C3: variants seen among roughly 807,000 people sequenced by gnomAD.
C3 encodes the protein complement C3, also known as C3 and PZP-like alpha-2-macroglobulin domain-containing protein 1.
A neutral mutation model predicts 207.9 loss-of-function variants in C3; 97 were observed. The ratio of observed to expected loss-of-function variants is 0.47; its 90% CI spans 0.40 to 0.55. The LOEUF (loss-of-function observed/expected upper bound fraction) is 0.55. Among genes scored for constraint, C3 ranks in the 20% least tolerant of loss-of-function variants. The pLI is 0.00. For missense variants in C3, 1,684 were observed against 2,171.7 expected (o/e 0.78, Z 4.46); for synonymous variants, 848 against 857.6 (o/e 0.99, Z 0.20).
In C3 at chr19:6,711,170, C is replaced by G. The variant is rs760150621; in HGVS notation, c.1296G>C (p.Ser432=). ...TGGTCCTGGTAGCCTGCTCTGCCTC[C>G]GAGAGCTCCTGCTTCTTCGTGCGCA... ...ITVRTKKQEL[S]EAEQATRTMQ... Residue 432 remains serine, a synonymous_variant, in exon 12 of 41, where the codon TCG becomes TCC. Transcript: ENST00000245907. 1 of 1,613,670 alleles carries G rather than the reference C, an allele frequency of 6.2e-7. No homozygotes were observed. The highest frequency in any genetic ancestry group is 8.5e-7 in the Non-Finnish European group (1 of 1,179,986).
In C3 at chr19:6,694,515, C is replaced by A; in HGVS notation, c.3070G>T (p.Ala1024Ser). The A allele has an allele frequency of 6.2e-7, 1 of 1,614,140 alleles. No individual in the cohort carries two copies. The highest frequency in any genetic ancestry group is 8.5e-7 in the Non-Finnish European group (1 of 1,179,998). The change falls in exon 24 of 41, where the codon GCT becomes TCT. Residue 1024 changes from alanine to serine, a missense_variant. Transcript: ENST00000245907. ...TCCGTTTCATCCAGGTAATGCACAGCGATGACCGTGGGCGTCATGCCGATC... is the reference window on the plus strand; with the variant it reads ...TCCGTTTCATCCAGGTAATGCACAGAGATGACCGTGGGCGTCATGCCGATC... Reference protein sequence around the residue: ...NMIGMTPTVIAVHYLDETEQW... With the variant: ...NMIGMTPTVISVHYLDETEQW...
chr19:6,694,307 G>A, intron 24 of C3, 124 bp downstream of exon 24: 1 of 807,586 alleles, frequency 1.2e-6, no homozygotes, highest in Non-Finnish European at 2.0e-6. Flanking sequence ...CAAATGAGGG[G>A]AGTGGCTAGG....
chr19:6,713,072 A>G (rs1967952880), intron 9 of C3, 117 bp downstream of exon 9: 2 of 1,275,050 alleles, frequency 1.6e-6, no homozygotes, highest in Middle Eastern at 2.5e-4. Flanking sequence ...ATCAGACTGA[A>G]CCCCACTTTC....
chr19:6,697,297 G>A, intron 21 of C3, 47 bp downstream of exon 21: 1 of 1,392,460 alleles, frequency 7.2e-7, no homozygotes, highest in Non-Finnish European at 1.0e-6. Flanking sequence ...CGAAGACCAG[G>A]AGCCCTCTCT....
Position 6,714,024 on chromosome 19 carries a change from G to A in C3, c.741C>T (p.Asn247=), listed in dbSNP as rs11569571. The change falls in exon 7 of 41, where the codon AAC becomes AAT. Residue 247 remains asparagine (N), a synonymous_variant. Coordinates refer to ENST00000245907, the MANE Select transcript of C3 (RefSeq NM_000064.4). ...TGATGGTGACCTCCAGGCCCTTCTC[G>A]TTATAGATGTAGTAGAATTTCTCTG... The part of the protein sequence containing the change: ...EPTEKFYYIY[N]EKGLEVTITA... The A allele has an allele frequency of 0.014, 22,612 of 1,609,592 alleles. 218 individuals are homozygous for A. The highest frequency in any genetic ancestry group is 0.017 in the Non-Finnish European group (20,354 of 1,178,764).
chr19:6,693,362 G>T, intron 25 of C3, 50 bp downstream of exon 25: 6 of 1,542,500 alleles, frequency 3.9e-6, no homozygotes, highest in Non-Finnish European at 5.3e-6. Flanking sequence ...GCCCTGCTGG[G>T]GGTTGAGGGT....
rs773305601 is a variant in C3 at position 6,710,727 on chromosome 19, G to C, written c.1598C>G (p.Ala533Gly). Residue 533 changes from alanine (A) to glycine (G), a missense_variant, in exon 13 of 41, where the codon GCG becomes GGG. Coordinates refer to ENST00000245907, the MANE Select transcript of C3 (RefSeq NM_000064.4). ...TDFIPSFRLVAYYTLIGASGQ... is the reference protein window; with the variant it reads ...TDFIPSFRLVGYYTLIGASGQ... ...GCTGGCACCGATCAGCGTGTAGTAC[G>C]CCACCAGGCGGAAGGAAGGGATGAA... is the stretch of plus-strand genomic sequence containing the variant. 1 of 1,613,700 alleles carries C rather than the reference G, an allele frequency of 6.2e-7. No individual in the cohort carries two copies. Among genetic ancestry groups the C allele is most frequent in the South Asian group, 1.1e-5 (1 of 91,064 alleles).
intron 4 of C3, chr19:6,717,408 CTG>C (rs56313992): frequency 0.68 from 103,979 of 153,520 alleles, 35,034 homozygotes; most frequent in East Asian, 0.89. Context: ...GTCTCTCAGC[CTG>C]TGTGTGTGTG....
At chr19:6,688,157 G>A (rs142810692) in intron 27 of C3, among the ~76,000 whole-genome samples, 52 of 151,214 alleles carry the variant, frequency 3.4e-4, no homozygotes, top group African/African-American at 1.2e-3. Context: ...TTTTTGAGAC[G>A]GAGTCTCGCT....
At position 6,697,440 on chromosome 19, in the gene C3, G is replaced by C. The variant is rs763155610; in HGVS notation, c.2700C>G (p.Ile900Met). The change falls in exon 21 of 41, where the codon ATC becomes ATG. Residue 900 changes from isoleucine to methionine, a missense_variant. This residue lies in a region of C3 where 1,280 missense variants were observed against 1,739.1 expected (regional missense o/e 0.74). Coordinates refer to ENST00000245907, the MANE Select transcript of C3 (RefSeq NM_000064.4). ...CCTGCAGGCCGGTCTTTAGCGGCAC[G>C]ATGACATATGGAACGGACAACGAGG... is the stretch of plus-strand genomic sequence containing the variant. ...PKSSLSVPYV[I>M]VPLKTGLQEV... 64 of 1,613,798 alleles carry C rather than the reference G, an allele frequency of 4.0e-5. No homozygotes were observed. In the East Asian group the frequency reaches 1.4e-3, roughly 35 times the overall value.
intron 1 of C3, among the ~76,000 whole-genome samples, 165 bp downstream of exon 1, chr19:6,720,351 C>G (rs1968136070): frequency 6.6e-6 from 1 of 152,084 alleles, no homozygotes; most frequent in Non-Finnish European, 1.5e-5. Flanking sequence ...CCACAAACAC[C>G]CAAACTCACA....
intron 27 of C3, among the ~76,000 whole-genome samples, chr19:6,687,614 A>G (rs1918042373): frequency 6.6e-6 from 1 of 152,136 alleles, no homozygotes; most frequent in African/African-American, 2.4e-5. Flanking sequence ...ACTGATTTCA[A>G]CCTACCAATA....
At position 6,697,350 on chromosome 19, in the gene C3, C is replaced by A. The variant is rs1967560165; in HGVS notation, c.2790G>T (p.Lys930Asn). The A allele has an allele frequency of 6.2e-7, 1 of 1,613,874 alleles. No homozygotes were observed. Among genetic ancestry groups the A allele is most frequent in the East Asian group, 2.2e-5 (1 of 44,882 alleles). The change falls in exon 21 of 41, where the codon AAG (lysine) becomes AAT (asparagine). Residue 930 changes from lysine to asparagine, a missense_variant. Physicochemically the swap from Lys to Asn is moderately conservative, Grantham distance 94. Coordinates refer to ENST00000245907, the MANE Select transcript of C3 (RefSeq NM_000064.4). ...GGGTGCCCCAAGCACTCACCACGAC[C>A]TTCAGGGACTTCCTGACACCGTCAC... ...FISDGVRKSL[K>N]VVPEGIRMNK...
intron 26 of C3, among the ~76,000 whole-genome samples, chr19:6,692,540 G>C (rs532122976): frequency 6.6e-6 from 1 of 152,278 alleles, no homozygotes; most frequent in Non-Finnish European, 1.5e-5. Context: ...CGGGGAGAGT[G>C]TTGCTTGGAC....
Position 6,710,795 on chromosome 19 carries a change from G to A in C3, c.1530C>T (p.Pro510=), listed in dbSNP as rs1030717997. The change falls in exon 13 of 41, where the codon CCC becomes CCT. Residue 510 remains proline (P), a synonymous_variant. Transcript: ENST00000245907. ...LLKAGRQVRE[P]GQDLVVLPLS... is the part of the protein sequence containing the mutation. ...GGGGCAGCACCACCAGGTCCTGGCCGGGCTCTCGCACCTGGCGTCCCGCCT... is the reference window on the plus strand; with the variant it reads ...GGGGCAGCACCACCAGGTCCTGGCCAGGCTCTCGCACCTGGCGTCCCGCCT... The A allele has an allele frequency of 5.0e-6, 8 of 1,613,844 alleles. 1 individual carries two copies. Among genetic ancestry groups the A allele is most frequent in the African/African-American group, 1.3e-5 (1 of 74,956 alleles).
chr19:6,720,431 T>C (rs1352343579), intron 1 of C3, 85 bp downstream of exon 1: 5 of 984,070 alleles, frequency 5.1e-6, no homozygotes, highest in Non-Finnish European at 7.9e-6. Context: ...AAATGCACCC[T>C]GAATTCTACA....
chr19:6,680,926 TG>T (rs1917842567), intron 35 of C3, among the ~76,000 whole-genome samples: 1 of 151,460 alleles, frequency 6.6e-6, no homozygotes, highest in Non-Finnish European at 1.5e-5. Flanking sequence ...GTGGCAGGTG[TG>T]GTGGCTCATG....
In C3 at chr19:6,710,612, G is replaced by C. The variant is rs373573544; in HGVS notation, c.1686+27C>G. On this transcript the variant is annotated intron_variant, in intron 13 of 40. Transcript: ENST00000245907. ...AGAGAGGAGTAGGGAGAGGGAGAGG[G>C]GGCGAGCGAGCCCAGGGCACACTTA... is the stretch of plus-strand genomic sequence containing the variant. 17 of 1,587,676 alleles carry C rather than the reference G, an allele frequency of 1.1e-5. No individual in the cohort carries two copies. The South Asian group carries it at 1.2e-4, about 11-fold the overall frequency.
chr19:6,686,635 G>A, intron 28 of C3, 111 bp downstream of exon 28: 3 of 1,175,040 alleles, frequency 2.6e-6, no homozygotes, highest in Non-Finnish European at 3.8e-6. Context: ...TCTCAGCTTG[G>A]CTTAGGGTCA....
Sources: allele counts gnomAD v4.1 joint callset (sites outside exome capture counted in the v4.1 genomes callset), GRCh38; gene constraint gnomAD v4.1.1; regional missense constraint gnomAD v4.1.1; transcripts MANE v1.5; gene names NCBI Gene and HGNC (gene_info 2026-07-23, HGNC 2026-07-21).